The following CYBA variants were observed in gnomAD, a reference collection of about 807,000 sequenced individuals.
CYBA encodes cytochrome b-245 alpha chain.
A neutral mutation model predicts 20.8 loss-of-function variants in CYBA; 21 were observed. The observed-to-expected ratio is 1.01, with a 90% CI of 0.72 to 1.46. CYBA has a LOEUF of 1.46. Among genes scored for constraint, CYBA ranks in the 40% most tolerant of loss-of-function variants. The pLI, the probability that CYBA is intolerant of heterozygous loss-of-function variation, is 0.00. For synonymous variants in CYBA, 164 were observed against 127.5 expected (o/e 1.29, Z -1.93); for missense variants, 344 against 287.0 (o/e 1.20, Z -1.43).
chr16:88,645,593 C>G (rs1337959058), intron 5 of CYBA: 2 of 613,810 alleles, frequency 3.3e-6, no homozygotes, highest in African/African-American at 3.7e-5. Flanking sequence ...CCACCCATCC[C>G]TGGCCTCTCA....
intron 2 of CYBA, 132 bp from the exon 3 acceptor site, chr16:88,647,307 T>C: frequency 1.2e-6 from 1 of 854,590 alleles, no homozygotes; most frequent in Non-Finnish European, 1.9e-6. Flanking sequence ...TTTGGGAGGC[T>C]GAGGCGGGAG....
Position 88,651,043 on chromosome 16 carries a change from A to G in CYBA, c.-30T>C. 6.3e-7 allele frequency: 1 copy of G among 1,575,004 alleles called. No homozygotes were observed. The highest frequency in any genetic ancestry group is 8.6e-7 in the Non-Finnish European group (1 of 1,164,328). The stretch of plus-strand genomic sequence containing the variant: ...ACACGAACCCGGCTGGGACACTGCT[A>G]GGCGCGCACTGCCGCCCCTGCGCTC... On this transcript the variant is annotated 5_prime_UTR_variant, in exon 1 of 6. Transcript: ENST00000261623.
At chr16:88,646,228 CAG>C in intron 4 of CYBA, 31 bp from the exon 5 acceptor site, 2 of 1,529,704 alleles carry the variant, frequency 1.3e-6, no homozygotes, top group Non-Finnish European at 8.8e-7. Flanking sequence ...GGCAGGGACA[CAG>C]AAGGGCACTC....
In CYBA at chr16:88,643,606, C is replaced by A. The variant is rs1411365779; in HGVS notation, c.370-35G>T. On this transcript the variant is annotated intron_variant, in intron 5 of 5. Coordinates refer to ENST00000261623, the MANE Select transcript of CYBA (RefSeq NM_000101.4). The surrounding 1 kb of genome is among the most constrained non-coding windows in gnomAD (Gnocchi z 4.3). ...ACTGAAGGGTTGAGCCGCGCCCCAG[C>A]GCCCGCCCTCCCTCCCTCCCTCCCT... 2 of 1,516,348 alleles carry A rather than the reference C, an allele frequency of 1.3e-6. No individual in the cohort carries two copies. Among genetic ancestry groups the A allele is most frequent in the African/African-American group, 1.4e-5 (1 of 72,354 alleles). The allele number at this position is 1,516,348 out of a possible 1,614,324, so 93.9% of individuals were successfully genotyped here.
intron 2 of CYBA, 200 bp downstream of exon 2, chr16:88,647,845 G>C: frequency 1.6e-6 from 1 of 637,122 alleles, no homozygotes. Flanking sequence ...TTAGACTGGC[G>C]GGTCTGCCGC....
chr16:88,649,666 C>T (rs564212154), intron 1 of CYBA, among the ~76,000 whole-genome samples: 7 of 152,170 alleles, frequency 4.6e-5, no homozygotes, highest in Admixed American at 1.3e-4. Context: ...CAGCTTGTGC[C>T]GAGGCCCTGG....
At chr16:88,647,948 G>A (rs993938944) in intron 2 of CYBA, 97 bp downstream of exon 2, 236 of 1,195,538 alleles carry the variant, frequency 2.0e-4, no homozygotes, top group Non-Finnish European at 2.0e-4. Flanking sequence ...GCCTGGCTGC[G>A]GTGGTGGGGA....
rs1216173727 is a variant in CYBA at position 88,643,622 on chromosome 16, C to T, written c.370-51G>A. The T allele has an allele frequency of 2.7e-6, 4 of 1,491,530 alleles. No homozygotes were observed. Among genetic ancestry groups the T allele is most frequent in the Non-Finnish European group, 3.6e-6 (4 of 1,111,802 alleles). 92.4% of individuals were successfully genotyped at this position (1,491,530 alleles called of 1,614,324 possible). A position where few individuals can be genotyped will look rare whatever the true frequency, so the allele number is the denominator to read the frequency against. ...GCGCCCCAGCGCCCGCCCTCCCTCC[C>T]TCCCTCCCTCCCCGGAGGCCCACCC... On this transcript the variant is annotated intron_variant, in intron 5 of 5. Coordinates refer to ENST00000261623, the MANE Select transcript of CYBA (RefSeq NM_000101.4). This position sits in a 1 kb window ranked among gnomAD's most constrained non-coding sequence, Gnocchi z 4.3.
chr16:88,650,841 G>GGCCTGGCCC, intron 1 of CYBA, 115 bp downstream of exon 1: 2 of 1,175,526 alleles, frequency 1.7e-6, no homozygotes, highest in Non-Finnish European at 2.5e-6. Context: ...ACCCCGGCCC[G>GGCCTGGCCC]GCCTGGCCCG....
rs201703733 is a variant in CYBA, at chr16:88,651,019, C to T, written c.-6G>A. 1 of 1,593,330 alleles carries T rather than the reference C, an allele frequency of 6.3e-7. No homozygotes were observed. The highest frequency in any genetic ancestry group is 8.5e-7 in the Non-Finnish European group (1 of 1,172,354). Reference sequence around the variant, plus strand: ...GCCCACTCGATCTGCCCCATGGCGACACGAACCCGGCTGGGACACTGCTAG... The same window carrying T: ...GCCCACTCGATCTGCCCCATGGCGATACGAACCCGGCTGGGACACTGCTAG... On this transcript the variant is annotated 5_prime_UTR_variant, in exon 1 of 6. Transcript: ENST00000261623.
Position 88,646,887 on chromosome 16 carries a change from G to A in CYBA, c.204-49C>T, listed in dbSNP as rs187413280. 381 of 1,507,458 alleles carry A rather than the reference G, an allele frequency of 2.5e-4. 2 individuals carry two copies. The highest frequency in any genetic ancestry group is 1.2e-3 in the Admixed American group (74 of 59,828). The allele number at this position is 1,507,458 out of a possible 1,614,324, so 93.4% of individuals were successfully genotyped here. A position where few individuals can be genotyped will look rare whatever the true frequency, so the allele number is the denominator to read the frequency against. On this transcript the variant is annotated intron_variant, in intron 3 of 5. Transcript: ENST00000261623. The stretch of plus-strand genomic sequence containing the variant: ...CGGCGCGGCTGGGCCTCTCCCACTC[G>A]GGACTCCTTTGCTGCCCTGCTGACC...
At position 88,643,576 on chromosome 16, in the gene CYBA, G is replaced by A. The variant is rs778207143; in HGVS notation, c.370-5C>T. 2.7e-5 allele frequency: 41 copies of A among 1,532,268 alleles called. No homozygotes were observed. The highest frequency in any genetic ancestry group is 4.6e-4 in the Middle Eastern group (2 of 4,374). 94.9% of individuals were successfully genotyped at this position (1,532,268 alleles called of 1,614,324 possible). ...CTGCTCGCCACGCACAGCCGCCTGC[G>A]GGGCACTGAAGGGTTGAGCCGCGCC... On this transcript the variant is annotated splice_region_variant and splice_polypyrimidine_tract_variant and intron_variant, in intron 5 of 5. Transcript: ENST00000261623. This position sits in a 1 kb window ranked among gnomAD's most constrained non-coding sequence, Gnocchi z 4.3.
In CYBA at chr16:88,643,989, T is replaced by C. The variant is rs115475916; in HGVS notation, c.370-418A>G. 0.11 allele frequency among the ~76,000 whole-genome samples: 17,311 copies of C among 151,652 alleles called. 1,178 individuals are homozygous for C. Among genetic ancestry groups the C allele is most frequent in the African/African-American group, 0.18 (7,493 of 41,288 alleles). On this transcript the variant is annotated intron_variant, in intron 5 of 5. Coordinates refer to ENST00000261623, the MANE Select transcript of CYBA (RefSeq NM_000101.4). The surrounding 1 kb of genome is among the most constrained non-coding windows in gnomAD (Gnocchi z 4.3). The stretch of plus-strand genomic sequence containing the variant: ...TCTGGTGGGCGCCATTCACCCACGC[T>C]GGCCGGCAGCCCCCCAAGGGTGCCC...
At position 88,643,649 on chromosome 16, in the gene CYBA, G is replaced by T. The variant is rs972883100; in HGVS notation, c.370-78C>A. The T allele has an allele frequency of 1.9e-6, 2 of 1,036,674 alleles. No homozygotes were observed. The highest frequency in any genetic ancestry group is 2.5e-6 in the Non-Finnish European group (2 of 812,570). 64.2% of individuals were successfully genotyped at this position (1,036,674 alleles called of 1,614,324 possible). On this transcript the variant is annotated intron_variant, in intron 5 of 5. Coordinates refer to ENST00000261623, the MANE Select transcript of CYBA (RefSeq NM_000101.4). The surrounding 1 kb of genome is among the most constrained non-coding windows in gnomAD (Gnocchi z 4.3). ...CCCTCCCTCCCCGGAGGCCCACCCCGCTAGGGGCCCTGGGACAGGCTCAAG... is the reference window on the plus strand; with the variant it reads ...CCCTCCCTCCCCGGAGGCCCACCCCTCTAGGGGCCCTGGGACAGGCTCAAG...
intron 1 of CYBA, among the ~76,000 whole-genome samples, chr16:88,649,602 G>T (rs1907429524): frequency 6.6e-6 from 1 of 152,234 alleles, no homozygotes; most frequent in African/African-American, 2.4e-5. Flanking sequence ...CCCCAGGCAG[G>T]TGGCATTTGA....
chr16:88,645,607 A>C, intron 5 of CYBA: 1 of 606,450 alleles, frequency 1.6e-6, no homozygotes. Context: ...CCTCTCAGAG[A>C]GATCACTGTA....
At chr16:88,646,965 C>T (rs915532113) in intron 3 of CYBA, 127 bp from the exon 4 acceptor site, 116 of 1,180,774 alleles carry the variant, frequency 9.8e-5, no homozygotes, top group Middle Eastern at 5.7e-4. Flanking sequence ...GGGCAGGCAC[C>T]GGCCTTGGTT....
chr16:88,647,163 C>G lies in CYBA; in HGVS notation c.141G>C (p.Val47=), dbSNP rs1473527044. 2 of 1,608,020 alleles carry G rather than the reference C, an allele frequency of 1.2e-6. No homozygotes were observed. The highest frequency in any genetic ancestry group is 1.7e-6 in the Non-Finnish European group (2 of 1,178,758). ...YFGAYSIVAG[V]FVCLLEYPRG... is the part of the protein sequence containing the mutation. The stretch of plus-strand genomic sequence containing the variant: ...GGGGGTACTCCAGCAGGCACACAAA[C>G]ACGCCCGCCACACTGAAGCCATGTG... Residue 47 remains valine (V), a synonymous_variant, in exon 3 of 6, where the codon GTG becomes GTC. Coordinates refer to ENST00000261623, the MANE Select transcript of CYBA (RefSeq NM_000101.4).
chr16:88,644,334 A>G (rs1264369466), intron 5 of CYBA, among the ~76,000 whole-genome samples: 3 of 152,234 alleles, frequency 2.0e-5, no homozygotes, highest in Non-Finnish European at 4.4e-5. Flanking sequence ...GGCAGGACCC[A>G]GGGCCAGGGA....
Sources: allele counts gnomAD v4.1 joint callset (sites outside exome capture counted in the v4.1 genomes callset), GRCh38; gene constraint gnomAD v4.1.1; non-coding constraint Gnocchi (gnomAD v3.1); transcripts MANE v1.5; gene names NCBI Gene and HGNC (gene_info 2026-07-23, HGNC 2026-07-21).